The following NME7 variants were observed in gnomAD, a reference collection of about 807,000 sequenced individuals.
NME7 encodes the protein NME/NM23 family member 7.
Under a neutral mutation model 49.1 loss-of-function variants are expected in NME7, and 41 were observed. That is an observed-to-expected ratio of 0.83 (90% CI 0.65 to 1.08). NME7 has a LOEUF of 1.08. NME7 is among the 50% of genes least tolerant of loss of function. NME7 has a pLI of 0.00. For synonymous variants in NME7, 139 were observed against 150.6 expected, an observed-to-expected ratio of 0.92 and a Z score of 0.56; for missense variants, 423 against 463.4, an observed-to-expected ratio of 0.91 and a Z score of 0.80.
At chr1:169,195,896 T>C (rs1660367498) in intron 10 of NME7, among the ~76,000 whole-genome samples, 1 of 129,964 alleles carries the variant, frequency 7.7e-6, no homozygotes, top group Admixed American at 7.5e-5. Context: ...ATAGTATGTT[T>C]AGAAGCTAAT....
chr1:169,196,853 C>T (rs1037550255), intron 10 of NME7, among the ~76,000 whole-genome samples: 4 of 152,122 alleles, frequency 2.6e-5, no homozygotes, highest in African/African-American at 9.7e-5. Context: ...GGTATGAAAA[C>T]TGGAGATTCA....
At chr1:169,224,424 T>C (rs1461293393) in intron 10 of NME7, among the ~76,000 whole-genome samples, 1 of 152,206 alleles carries the variant, frequency 6.6e-6, no homozygotes, top group Non-Finnish European at 1.5e-5. Flanking sequence ...TTCCTCATCT[T>C]ACGCTAAGCT....
At chr1:169,206,660 A>G (rs1360899832) in intron 10 of NME7, among the ~76,000 whole-genome samples, 1 of 152,204 alleles carries the variant, frequency 6.6e-6, no homozygotes, top group Non-Finnish European at 1.5e-5. Flanking sequence ...ATAGAATTGC[A>G]GGAAATTAAT....
At chr1:169,164,383 C>T (rs12074013) in intron 11 of NME7, among the ~76,000 whole-genome samples, 6,668 of 152,220 alleles carry the variant, frequency 0.044, 218 homozygotes, top group East Asian at 0.13. Flanking sequence ...CACAGTCTCA[C>T]ATGAGCAAAC....
At chr1:169,210,924 A>G (rs1236257489) in intron 10 of NME7, among the ~76,000 whole-genome samples, 1 of 151,860 alleles carries the variant, frequency 6.6e-6, no homozygotes, top group South Asian at 2.1e-4. Flanking sequence ...TTTTAGGTAT[A>G]TTCCAGGTCA....
At position 169,355,103 on chromosome 1, in the gene NME7, A is replaced by C. The variant is rs1204751931; in HGVS notation, c.3+12605T>G. Among the ~76,000 whole-genome samples, 21 of 49,962 alleles carry C rather than the reference A, an allele frequency of 4.2e-4. 1 individual carries two copies. Among genetic ancestry groups the C allele is most frequent in the African/African-American group, 1.8e-3 (21 of 11,588 alleles). 32.8% of individuals were successfully genotyped at this position (49,962 alleles called of 152,430 possible). A position where few individuals can be genotyped will look rare whatever the true frequency, so the allele number is the denominator to read the frequency against. ...ATATATAATATACTATATATTATAG[A>C]TATAATATATAATATACTATATATT... is the stretch of plus-strand genomic sequence containing the variant. On this transcript the variant is annotated intron_variant, in intron 1 of 11. Transcript: ENST00000367811.
intron 10 of NME7, among the ~76,000 whole-genome samples, chr1:169,195,071 G>T (rs1290421419): frequency 6.2e-5 from 4 of 64,682 alleles, no homozygotes; most frequent in African/African-American, 1.6e-4. Context: ...TTCAAAACAT[G>T]TTTTTTGCAT....
Position 169,178,927 on chromosome 1 carries a change from TCTC to T in NME7, c.991-9376_991-9374del, listed in dbSNP as rs1398750447. Among the ~76,000 whole-genome samples, 4 of 150,792 alleles carry T rather than the reference TCTC, an allele frequency of 2.7e-5. No homozygotes were observed. The Admixed American group carries it at 2.7e-4, about 10-fold the overall frequency. ...CCTCCACCTCGTGGGTTGAAACAAT[TCTC>T]CTGCCTCAGTCTCCTGAGTAGCTGG... On this transcript the variant is annotated intron_variant, in intron 10 of 11. Transcript: ENST00000367811.
chr1:169,150,525 G>A (rs1330940818), intron 11 of NME7, among the ~76,000 whole-genome samples: 2 of 152,072 alleles, frequency 1.3e-5, no homozygotes, highest in African/African-American at 4.8e-5. Context: ...ACAAAATAGA[G>A]ACAAGCATTG....
intron 1 of NME7, among the ~76,000 whole-genome samples, chr1:169,349,922 G>T (rs922895810): frequency 3.9e-5 from 6 of 152,138 alleles, no homozygotes; most frequent in African/African-American, 1.4e-4. Flanking sequence ...CCTCCATGGT[G>T]TCTCATGCCT....
At chr1:169,323,087 T>A (rs778837532) in intron 3 of NME7, 30 bp downstream of exon 3, 88 of 1,486,426 alleles carry the variant, frequency 5.9e-5, no homozygotes, top group Non-Finnish European at 7.7e-5. Context: ...AGTTAGAGCA[T>A]GTAAAAAGAT....
At chr1:169,176,564 T>A (rs1571265762) in intron 10 of NME7, among the ~76,000 whole-genome samples, 1 of 152,278 alleles carries the variant, frequency 6.6e-6, no homozygotes, top group Middle Eastern at 3.4e-3. Flanking sequence ...ATTTAGATAA[T>A]TCAATCCTGT....
intron 6 of NME7, among the ~76,000 whole-genome samples, chr1:169,293,127 T>C (rs565473645): frequency 6.7e-6 from 1 of 148,996 alleles, no homozygotes; most frequent in African/African-American, 2.4e-5. Flanking sequence ...AGACCCTGTC[T>C]TTAGAAAAAA....
At chr1:169,218,899 C>T (rs976781827) in intron 10 of NME7, among the ~76,000 whole-genome samples, 1 of 152,092 alleles carries the variant, frequency 6.6e-6, no homozygotes, top group African/African-American at 2.4e-5. Context: ...GCAACTCCAT[C>T]CTTAAGATAA....
chr1:169,285,742 TA>T (rs1226569515), intron 7 of NME7: 1 of 152,188 alleles, frequency 6.6e-6, no homozygotes, highest in Non-Finnish European at 1.5e-5. Context: ...CACATAATGG[TA>T]TATTCTCCAT....
chr1:169,331,494 T>C (rs1300187186), intron 1 of NME7, among the ~76,000 whole-genome samples: 1 of 151,950 alleles, frequency 6.6e-6, no homozygotes, highest in Non-Finnish European at 1.5e-5. Context: ...AAGAGAAAGA[T>C]ATAAAGGGCA....
At chr1:169,161,550 T>A (rs1659245583) in intron 11 of NME7, among the ~76,000 whole-genome samples, 1 of 152,122 alleles carries the variant, frequency 6.6e-6, no homozygotes, top group African/African-American at 2.4e-5. Context: ...GTATCCAAAT[T>A]CAGATTTGAT....
intron 7 of NME7, among the ~76,000 whole-genome samples, chr1:169,247,360 A>T (rs1648367027): frequency 6.6e-6 from 1 of 152,182 alleles, no homozygotes; most frequent in Admixed American, 6.5e-5. Flanking sequence ...TAATCTTAAG[A>T]GGCCAGTCTC....
intron 1 of NME7, among the ~76,000 whole-genome samples, chr1:169,337,787 T>A (rs186449218): frequency 6.6e-6 from 1 of 152,370 alleles, no homozygotes; most frequent in East Asian, 1.9e-4. Context: ...TGTCAGAGGC[T>A]AGATTTTAAG....
Sources: allele counts gnomAD v4.1 joint callset (sites outside exome capture counted in the v4.1 genomes callset), GRCh38; gene constraint gnomAD v4.1.1; transcripts MANE v1.5; gene names NCBI Gene and HGNC (gene_info 2026-07-23, HGNC 2026-07-21).